Variants in SUPT16H observed in about 807,000 individuals in gnomAD.
SUPT16H encodes FACT complex subunit SPT16.
SUPT16H carries 24 observed loss-of-function variants against 136.2 expected under a neutral mutation model. The ratio of observed to expected loss-of-function variants is 0.18; its 90% CI spans 0.13 to 0.25. The LOEUF (loss-of-function observed/expected upper bound fraction) is 0.25, where lower values mean the gene tolerates loss of function less well. SUPT16H is among the 10% of genes least tolerant of loss of function. SUPT16H has a pLI of 1.00. For synonymous variants in SUPT16H, 415 were observed against 428.2 expected (o/e 0.97, Z 0.38); for missense variants, 623 against 1,270.2 (o/e 0.49, Z 7.74).
chr14:21,378,111 A>T (rs1473552123), intron 1 of SUPT16H, among the ~76,000 whole-genome samples: 3 of 152,142 alleles, frequency 2.0e-5, no homozygotes, highest in African/African-American at 7.2e-5. Flanking sequence ...TTTAAGCAAC[A>T]GAATAAAATT....
intron 1 of SUPT16H, among the ~76,000 whole-genome samples, chr14:21,375,206 G>A (rs1302773801): frequency 6.6e-6 from 1 of 151,960 alleles, no homozygotes; most frequent in African/African-American, 2.4e-5. Context: ...TAGAGACGAG[G>A]TTTCACCATG....
Position 21,352,020 on chromosome 14 carries a change from G to A in SUPT16H, c.*653C>T, listed in dbSNP as rs1886318175. ...CATTGTACCATGTGTGCATTGTATG[G>A]AGAAAATAACCGAGCCAGGGAGTAT... On this transcript the variant is annotated 3_prime_UTR_variant, in exon 26 of 26. Transcript: ENST00000216297. 1 of 153,356 alleles carries A rather than the reference G, an allele frequency of 6.5e-6. No individual in the cohort carries two copies. The allele number at this position is 153,356 out of a possible 1,614,324, so 9.5% of individuals were successfully genotyped here.
At chr14:21,366,959 T>C (rs923081565) in intron 7 of SUPT16H, among the ~76,000 whole-genome samples, 5 of 151,738 alleles carry the variant, frequency 3.3e-5, no homozygotes, top group Non-Finnish European at 7.4e-5. Flanking sequence ...CTTTTTTTTT[T>C]GGATGGAGTC....
intron 1 of SUPT16H, among the ~76,000 whole-genome samples, chr14:21,381,420 A>G (rs1177201665): frequency 1.3e-5 from 2 of 152,132 alleles, no homozygotes; most frequent in African/African-American, 4.8e-5. Flanking sequence ...TCAGTTCTCT[A>G]CAACCCTGTG....
At chr14:21,369,572 C>T (rs1886743482) in intron 5 of SUPT16H, 178 bp downstream of exon 5, 2 of 997,258 alleles carry the variant, frequency 2.0e-6, no homozygotes, top group Admixed American at 5.5e-5. Context: ...TAATGGGTTA[C>T]CTCAAGAAAA....
intron 15 of SUPT16H, among the ~76,000 whole-genome samples, chr14:21,361,928 G>T (rs1341831386): frequency 6.6e-6 from 1 of 151,840 alleles, no homozygotes; most frequent in African/African-American, 2.4e-5. Flanking sequence ...CACCACCCCT[G>T]GTTAATTATT....
At position 21,366,533 on chromosome 14, in the gene SUPT16H, A is replaced by G. The variant is rs774154932; in HGVS notation, c.956-4T>C. On this transcript the variant is annotated splice_polypyrimidine_tract_variant and splice_region_variant and intron_variant, in intron 7 of 25. Transcript: ENST00000216297. Reference sequence around the variant, plus strand: ...TACACGTCACATATCTTCACACCTAATAACAAGACACAAAGGAGATATTAA... The same window carrying G: ...TACACGTCACATATCTTCACACCTAGTAACAAGACACAAAGGAGATATTAA... 5.0e-6 allele frequency: 8 copies of G among 1,608,980 alleles called. No individual in the cohort carries two copies. Among genetic ancestry groups the G allele is most frequent in the South Asian group, 2.2e-5 (2 of 89,646 alleles).
Position 21,363,213 on chromosome 14 carries a change from A to C in SUPT16H, c.1395+20T>G. On this transcript the variant is annotated intron_variant, in intron 12 of 25. Transcript: ENST00000216297. ...CCATATGACAGCCGAGATCAATGTA[A>C]TTTAAAATAGTAAACTTACTCTTGT... 1.9e-6 allele frequency: 3 copies of C among 1,614,126 alleles called. No homozygotes were observed. Among genetic ancestry groups the C allele is most frequent in the Non-Finnish European group, 8.5e-7 (1 of 1,180,016 alleles).
At chr14:21,358,846 C>T (rs1318600911) in intron 19 of SUPT16H, among the ~76,000 whole-genome samples, 2 of 152,308 alleles carry the variant, frequency 1.3e-5, no homozygotes, top group South Asian at 2.1e-4. Context: ...TCTTGCTAGT[C>T]GCCCAGGCTG....
chr14:21,372,776 T>C (rs559062810), intron 2 of SUPT16H: 7 of 406,790 alleles, frequency 1.7e-5, no homozygotes, highest in African/African-American at 1.3e-4. Context: ...TTTTGTGTTA[T>C]AGCAGCTAAA....
intron 1 of SUPT16H, among the ~76,000 whole-genome samples, chr14:21,376,309 C>T (rs1361813339): frequency 6.6e-6 from 1 of 152,174 alleles, no homozygotes; most frequent in East Asian, 1.9e-4. Flanking sequence ...AGTTCTCCAA[C>T]CATCAGATAC....
intron 19 of SUPT16H, among the ~76,000 whole-genome samples, chr14:21,359,035 G>A (rs1005297702): frequency 1.3e-5 from 2 of 151,924 alleles, no homozygotes; most frequent in African/African-American, 4.8e-5. Context: ...TTGATCTCCT[G>A]ACCTCGTGAT....
chr14:21,363,200 C>A (rs773004294), intron 12 of SUPT16H, 33 bp downstream of exon 12: 1 of 1,613,996 alleles, frequency 6.2e-7, no homozygotes, highest in South Asian at 1.1e-5. Flanking sequence ...ATATGACAGC[C>A]GAGATCAATG....
intron 7 of SUPT16H, 71 bp downstream of exon 7, chr14:21,368,198 T>TA: frequency 6.6e-7 from 1 of 1,509,650 alleles, no homozygotes; most frequent in Non-Finnish European, 9.0e-7. Flanking sequence ...ATTACAGGTG[T>TA]GACCCACAGC....
chr14:21,366,572 A>G (rs1388664817), intron 7 of SUPT16H, 43 bp from the exon 8 acceptor site: 1 of 1,570,434 alleles, frequency 6.4e-7, no homozygotes, highest in Admixed American at 1.8e-5. Flanking sequence ...ATCTTTTAGG[A>G]AAAAAACTCA....
Position 21,363,496 on chromosome 14 carries a change from G to A in SUPT16H, c.1241C>T (p.Pro414Leu), listed in dbSNP as rs947399622. 5 of 1,612,246 alleles carry A rather than the reference G, an allele frequency of 3.1e-6. No homozygotes were observed. In the African/African-American group the frequency reaches 4.0e-5, roughly 13 times the overall value. Reference sequence around the variant, plus strand: ...CTTCACAGAAGTGAGAACAGTAGCTGGGCCATCCTAGAATTAAAAGGAGAA... The same window carrying A: ...CTTCACAGAAGTGAGAACAGTAGCTAGGCCATCCTAGAATTAAAAGGAGAA... Reference protein sequence around the residue: ...GDTVLVDEDGPATVLTSVKKK... With the variant: ...GDTVLVDEDGLATVLTSVKKK... The change falls in exon 11 of 26, where the codon CCA becomes CTA. Residue 414 changes from proline (P) to leucine (L), a missense_variant. By Grantham distance (98) the Pro-to-Leu change is moderately conservative (BLOSUM62 -3). Coordinates refer to ENST00000216297, the MANE Select transcript of SUPT16H (RefSeq NM_007192.4).
chr14:21,370,517 CAT>C (rs759832522), intron 3 of SUPT16H, 29 bp from the exon 4 acceptor site: 54 of 1,611,548 alleles, frequency 3.4e-5, no homozygotes, highest in Middle Eastern at 3.3e-4. Context: ...AGAAAAGACA[CAT>C]ATGTTTTACC....
intron 22 of SUPT16H, 102 bp downstream of exon 22, chr14:21,357,095 A>C: frequency 8.2e-7 from 1 of 1,216,212 alleles, no homozygotes; most frequent in Non-Finnish European, 1.1e-6. Flanking sequence ...AGGCAGTCTC[A>C]CTTTAAGTAT....
In SUPT16H at chr14:21,363,355, T is replaced by C. The variant is rs371503419; in HGVS notation, c.1300-27A>G. ...TATGGAAAAAGTCATAATCAAAAAATGAAATTTTAATTATTTTAGCCAATA... is the reference window on the plus strand; with the variant it reads ...TATGGAAAAAGTCATAATCAAAAAACGAAATTTTAATTATTTTAGCCAATA... On this transcript the variant is annotated intron_variant, in intron 11 of 25. Coordinates refer to ENST00000216297, the MANE Select transcript of SUPT16H (RefSeq NM_007192.4). 2.5e-6 allele frequency: 4 copies of C among 1,597,942 alleles called. No individual in the cohort carries two copies. The African/African-American group carries it at 4.1e-5, about 16-fold the overall frequency.
Sources: allele counts gnomAD v4.1 joint callset (sites outside exome capture counted in the v4.1 genomes callset), GRCh38; gene constraint gnomAD v4.1.1; transcripts MANE v1.5; gene names NCBI Gene and HGNC (gene_info 2026-07-23, HGNC 2026-07-21).